LRRD1: variants seen among roughly 807,000 people sequenced by gnomAD.
LRRD1 encodes the protein leucine-rich repeat and death domain-containing protein 1.
A neutral mutation model predicts 69.5 loss-of-function variants in LRRD1; 49 were observed. That is an observed-to-expected ratio of 0.70 (90% confidence interval 0.56 to 0.89). LRRD1 has a LOEUF of 0.89. LRRD1 is among the 40% of genes least tolerant of loss of function. The pLI is 0.00. For missense variants in LRRD1, 853 were observed against 956.0 expected, an observed-to-expected ratio of 0.89 and a Z score of 1.42; for synonymous variants, 303 against 338.9, an observed-to-expected ratio of 0.89 and a Z score of 1.16.
intron 5 of LRRD1, among the ~76,000 whole-genome samples, chr7:92,145,464 C>G (rs555295803): frequency 8.2e-6 from 1 of 122,018 alleles, no homozygotes; most frequent in East Asian, 2.6e-4. Flanking sequence ...TTTTTTTAGA[C>G]AGAGTCTTGC....
chr7:92,170,051 G>A (rs748870333), intron 1 of LRRD1, among the ~76,000 whole-genome samples: 2 of 142,034 alleles, frequency 1.4e-5, no homozygotes, highest in Non-Finnish European at 3.0e-5. Flanking sequence ...TCCGTACTTG[G>A]TGGTAGAATG....
intron 1 of LRRD1, among the ~76,000 whole-genome samples, chr7:92,168,399 T>C (rs984091940): frequency 5.3e-5 from 8 of 152,092 alleles, no homozygotes; most frequent in African/African-American, 1.9e-4. Flanking sequence ...AAAACTACCA[T>C]TCCCAGCCCT....
intron 1 of LRRD1, among the ~76,000 whole-genome samples, chr7:92,174,503 ATATATATTTTTTTTTTTTT>A (rs1789139197): frequency 5.0e-5 from 1 of 20,108 alleles, no homozygotes; most frequent in African/African-American, 2.2e-4. Flanking sequence ...ATATATATAT[ATATATATTTTTTTTTTTTT>A]TTTTTTTTTT....
chr7:92,155,619 A>G (rs1788638711), intron 3 of LRRD1, among the ~76,000 whole-genome samples: 1 of 152,200 alleles, frequency 6.6e-6, no homozygotes. Context: ...ATATATATAT[A>G]TAAAAGGGAG....
chr7:92,142,783 C>A (rs755100299), downstream of LRRD1: 1 of 445,458 alleles, frequency 2.2e-6, no homozygotes, highest in South Asian at 1.6e-5. Flanking sequence ...GTTCCTTTCT[C>A]CCGGTGGGTT....
chr7:92,153,914 G>A (rs928722977), intron 3 of LRRD1, among the ~76,000 whole-genome samples: 1 of 151,602 alleles, frequency 6.6e-6, no homozygotes, highest in African/African-American at 2.4e-5. Context: ...TTGGCTCACT[G>A]TAACCTCCGC....
intron 1 of LRRD1, among the ~76,000 whole-genome samples, chr7:92,173,154 G>T (rs1789093872): frequency 6.6e-6 from 1 of 152,176 alleles, no homozygotes; most frequent in South Asian, 2.1e-4. Flanking sequence ...GCAGAGGAAT[G>T]AAACTAGACA....
intron 4 of LRRD1, among the ~76,000 whole-genome samples, chr7:92,149,451 A>G (rs1820411697): frequency 6.6e-6 from 1 of 152,200 alleles, no homozygotes; most frequent in Non-Finnish European, 1.5e-5. Flanking sequence ...GGAAAAGCCT[A>G]ACTGTTGCGA....
intron 3 of LRRD1, among the ~76,000 whole-genome samples, chr7:92,155,930 C>T (rs1788645107): frequency 6.6e-6 from 1 of 152,216 alleles, no homozygotes; most frequent in African/African-American, 2.4e-5. Context: ...CTTCCACGTA[C>T]TTCTGCCTGC....
chr7:92,177,104 T>C (rs1176187955), intron 1 of LRRD1, among the ~76,000 whole-genome samples: 2 of 150,494 alleles, frequency 1.3e-5, no homozygotes, highest in South Asian at 4.2e-4. Context: ...TATTAATACA[T>C]AGTAACATAA....
In LRRD1 at chr7:92,163,896, C is replaced by T. The variant is rs918974465; in HGVS notation, c.1307G>A (p.Cys436Tyr). The change falls in exon 2 of 6, where the codon TGT becomes TAT. Residue 436 changes from cysteine (C) to tyrosine (Y), a missense_variant. Physicochemically the swap from Cys to Tyr is radical, Grantham distance 194. Around this residue, in one of 3 missense-constraint regions of LRRD1, gnomAD observed 739 missense variants for 808.0 expected, o/e 0.91. Transcript: ENST00000458448. ...GCATATGTTATTAAGATGTGAGATA[C>T]AGTCAGTTATTTTTACCATATTATT... The part of the protein sequence containing the change: ...NRNNMVKITD[C>Y]ISHLNNICSL... 2 of 1,529,536 alleles carry T rather than the reference C, an allele frequency of 1.3e-6. No individual in the cohort carries two copies. The highest frequency in any genetic ancestry group is 1.8e-6 in the Non-Finnish European group (2 of 1,139,000). The allele number at this position is 1,529,536 out of a possible 1,614,324, so 94.7% of individuals were successfully genotyped here. A position where few individuals can be genotyped will look rare whatever the true frequency, so the allele number is the denominator to read the frequency against.
rs75101928 is a variant in LRRD1 at position 92,168,097 on chromosome 7, T to G, written c.-74-2821A>C. On this transcript the variant is annotated intron_variant, in intron 1 of 5. Coordinates refer to ENST00000458448, the MANE Select transcript of LRRD1 (RefSeq NM_001161528.2). ...CCAGCAATATCCCAGAACTCAAACATGAGGAGGAAATAGTTCCTAAGACCG... is the reference window on the plus strand; with the variant it reads ...CCAGCAATATCCCAGAACTCAAACAGGAGGAGGAAATAGTTCCTAAGACCG... Among the ~76,000 whole-genome samples, 844 of 151,918 alleles carry G rather than the reference T, an allele frequency of 5.6e-3. 11 individuals carry two copies. The highest frequency in any genetic ancestry group is 0.02 in the African/African-American group (809 of 41,422).
At chr7:92,173,752 T>A (rs576383902) in intron 1 of LRRD1, among the ~76,000 whole-genome samples, 1 of 152,276 alleles carries the variant, frequency 6.6e-6, no homozygotes, top group South Asian at 2.1e-4. Context: ...GTATAGCCAC[T>A]ATGAAAACTG....
chr7:92,155,488 C>A (rs1347410797), intron 3 of LRRD1, among the ~76,000 whole-genome samples: 1 of 152,126 alleles, frequency 6.6e-6, no homozygotes, highest in African/African-American at 2.4e-5. Context: ...TAAGGGGGAA[C>A]TACCATGGCA....
At chr7:92,149,802 C>T (rs1374455663) in intron 4 of LRRD1, 1 of 354,788 alleles carries the variant, frequency 2.8e-6, no homozygotes, top group Non-Finnish European at 5.9e-6. Flanking sequence ...ATTGTCCTGC[C>T]TTGGCCTCCC....
At chr7:92,169,639 G>C (rs756515733) in intron 1 of LRRD1, among the ~76,000 whole-genome samples, 16 of 152,108 alleles carry the variant, frequency 1.1e-4, no homozygotes, top group Non-Finnish European at 1.9e-4. Context: ...GACAGAGAGA[G>C]ATTTCGTCTC....
At chr7:92,155,219 A>G (rs776250237) in intron 3 of LRRD1, among the ~76,000 whole-genome samples, 13 of 152,156 alleles carry the variant, frequency 8.5e-5, no homozygotes, top group Non-Finnish European at 1.9e-4. Flanking sequence ...AATAAGTAAA[A>G]TAAGGGTTAC....
intron 4 of LRRD1, among the ~76,000 whole-genome samples, chr7:92,146,876 T>C (rs1396467734): frequency 4.3e-4 from 65 of 149,932 alleles, no homozygotes; most frequent in Admixed American, 4.3e-3. Flanking sequence ...GAGCCAAGAT[T>C]GCACCATTGT....
downstream of LRRD1, chr7:92,142,421 CACTGTGCATGATATACCAAG>C (rs1563186255): frequency 2.2e-6 from 1 of 456,570 alleles, no homozygotes; most frequent in Admixed American, 2.4e-5. Flanking sequence ...GACTACTACA[CACTGTGCATGATATACCAAG>C]ACTAAAAGAC....
Sources: gnomAD v4.1 joint callset for allele counts (sites outside exome capture counted in the v4.1 genomes callset) on GRCh38, gnomAD v4.1.1 for gene constraint, gnomAD v4.1.1 regional missense constraint, MANE v1.5 for transcripts, NCBI Gene and HGNC (gene_info 2026-07-23, HGNC 2026-07-21) for gene names.